The following SCAMP5 variants were observed in gnomAD, a reference collection of about 807,000 sequenced individuals.
The protein encoded by SCAMP5 is secretory carrier-associated membrane protein 5.
SCAMP5 carries 7 observed loss-of-function variants against 28.3 expected under a neutral mutation model. The ratio of observed to expected loss-of-function variants is 0.25; its 90% CI spans 0.14 to 0.46. The LOEUF is 0.46. SCAMP5 is among the 20% of genes least tolerant of loss of function. The pLI is 0.99. For missense variants in SCAMP5, 192 were observed against 312.5 expected, an observed-to-expected ratio of 0.61 and a Z score of 2.91; for synonymous variants, 117 against 116.4, an observed-to-expected ratio of 1.00 and a Z score of -0.03.
chr15:75,021,057 C>T lies in SCAMP5; in HGVS notation c.*2074C>T, dbSNP rs1303308694. On this transcript the variant is annotated 3_prime_UTR_variant, in exon 7 of 7. Transcript: ENST00000425597. ...TCCAGGAGGCCTGTGATCCAGCTCC[C>T]TGCCTAGCATCCATGACCTGTTGGA... The T allele has an allele frequency of 6.6e-6, 1 of 152,412 alleles. No homozygotes were observed. The highest frequency in any genetic ancestry group is 2.4e-5 in the African/African-American group (1 of 41,426). 9.4% of individuals were successfully genotyped at this position (152,412 alleles called of 1,614,324 possible).
chr15:75,009,954 G>A (rs1170050367), intron 1 of SCAMP5: 1 of 152,204 alleles, frequency 6.6e-6, no homozygotes, highest in Non-Finnish European at 1.5e-5. Flanking sequence ...ATACTATCTT[G>A]ACTTCTAACA....
At chr15:75,009,890 G>A (rs952930568) in intron 1 of SCAMP5, 2 of 152,214 alleles carry the variant, frequency 1.3e-5, no homozygotes, top group Non-Finnish European at 2.9e-5. Flanking sequence ...TGTGTATCCA[G>A]AACCCCGACC....
intron 1 of SCAMP5, among the ~76,000 whole-genome samples, chr15:75,010,105 A>C (rs945483946): frequency 6.6e-6 from 1 of 152,202 alleles, no homozygotes; most frequent in Non-Finnish European, 1.5e-5. Context: ...CTGTTCTAAC[A>C]AGGTGATTGC....
At position 75,019,138 on chromosome 15, in the gene SCAMP5, T is replaced by C. The variant is rs2065885253; in HGVS notation, c.*155T>C. 2.2e-6 allele frequency: 1 copy of C among 455,116 alleles called. No individual in the cohort carries two copies. Among genetic ancestry groups the C allele is most frequent in the Non-Finnish European group, 3.8e-6 (1 of 262,782 alleles). The allele number at this position is 455,116 out of a possible 1,614,324, so 28.2% of individuals were successfully genotyped here. On this transcript the variant is annotated 3_prime_UTR_variant, in exon 7 of 7. Coordinates refer to ENST00000425597, the MANE Select transcript of SCAMP5 (RefSeq NM_138967.4). Reference sequence around the variant, plus strand: ...AGAGTTATATATATATATATATGTATATGTCTGTACCCCAGCCCCCACCTT... The same window carrying C: ...AGAGTTATATATATATATATATGTACATGTCTGTACCCCAGCCCCCACCTT...
At chr15:75,011,766 CT>C (rs2141446115) in intron 1 of SCAMP5, 25 bp from the exon 2 acceptor site, 1 of 1,415,110 alleles carries the variant, frequency 7.1e-7, no homozygotes, top group Non-Finnish European at 1.0e-6. Flanking sequence ...TGATCTCATC[CT>C]TCTCTGGCTT....
chr15:75,007,140 A>G (rs189838680), intron 1 of SCAMP5, among the ~76,000 whole-genome samples: 7 of 152,052 alleles, frequency 4.6e-5, no homozygotes, highest in Non-Finnish European at 8.8e-5. Flanking sequence ...CTGGCTTGGG[A>G]CCAGCCATAT....
At position 75,018,836 on chromosome 15, in the gene SCAMP5, G is replaced by A. The variant is rs2065881612; in HGVS notation, c.561G>A (p.Gln187=). 1 of 1,601,918 alleles carries A rather than the reference G, an allele frequency of 6.2e-7. No homozygotes were observed. The highest frequency in any genetic ancestry group is 1.4e-5 in the African/African-American group (1 of 73,758). The change falls in exon 7 of 7, where the codon CAG becomes CAA. Residue 187 remains glutamine, a synonymous_variant. Transcript: ENST00000425597. This position sits in a 1 kb window ranked among gnomAD's most constrained non-coding sequence, Gnocchi z 5.6. The part of the protein sequence containing the change: ...RGSGGSFSKA[Q]EEWTTGAWKN... ...GTGGGGGGAGTTTCAGCAAAGCTCA[G>A]GAGGAGTGGACCACAGGGGCCTGGA...
intron 3 of SCAMP5, among the ~76,000 whole-genome samples, chr15:75,015,474 T>G (rs1031557144): frequency 6.6e-6 from 1 of 151,736 alleles, no homozygotes; most frequent in African/African-American, 2.4e-5. Flanking sequence ...CTGGGTCCTG[T>G]TCTTGGGGAA....
chr15:75,019,089 C>T lies in SCAMP5; in HGVS notation c.*106C>T, dbSNP rs887075951. 2 of 672,516 alleles carry T rather than the reference C, an allele frequency of 3.0e-6. No individual in the cohort carries two copies. The highest frequency in any genetic ancestry group is 2.4e-5 in the South Asian group (1 of 41,404). The allele number at this position is 672,516 out of a possible 1,614,324, so 41.7% of individuals were successfully genotyped here. A position where few individuals can be genotyped will look rare whatever the true frequency, so the allele number is the denominator to read the frequency against. On this transcript the variant is annotated 3_prime_UTR_variant, in exon 7 of 7. Transcript: ENST00000425597. ...GCAGGGTTCCCCCTTCCCTTTTCTCCTTCCCTACTTTGTACAAAGGACCAG... is the reference window on the plus strand; with the variant it reads ...GCAGGGTTCCCCCTTCCCTTTTCTCTTTCCCTACTTTGTACAAAGGACCAG...
At chr15:75,014,411 G>A (rs1379478790) in intron 3 of SCAMP5, among the ~76,000 whole-genome samples, 3 of 152,194 alleles carry the variant, frequency 2.0e-5, no homozygotes, top group African/African-American at 7.2e-5. Context: ...ATATGATGTA[G>A]TGTGGAGAGT....
intron 1 of SCAMP5, chr15:74,997,399 C>G (rs2065663230): frequency 6.6e-6 from 1 of 152,254 alleles, no homozygotes; most frequent in Non-Finnish European, 1.5e-5. Flanking sequence ...GTGTCCAAGT[C>G]TTAAGCAAGT....
intron 1 of SCAMP5, among the ~76,000 whole-genome samples, chr15:75,004,056 C>T (rs1195855835): frequency 2.6e-5 from 4 of 152,088 alleles, no homozygotes; most frequent in Admixed American, 2.6e-4. Flanking sequence ...AGGCATGCAC[C>T]ACCATGCCCG....
chr15:75,005,748 G>A (rs1193126051), intron 1 of SCAMP5, among the ~76,000 whole-genome samples: 1 of 151,932 alleles, frequency 6.6e-6, no homozygotes, highest in African/African-American at 2.4e-5. Flanking sequence ...TTTTTGAGAC[G>A]GAGTCTCACT....
At position 75,016,702 on chromosome 15, in the gene SCAMP5, A is replaced by G. The variant is rs928321991; in HGVS notation, c.246A>G (p.Thr82=). ...GLAFLWLILF[T]PCSYVCWFRP... Reference sequence around the variant, plus strand: ...CCTTTCTCTGGCTCATCCTCTTCACACCCTGCTCCTACGTCTGCTGGTTTC... The same window carrying G: ...CCTTTCTCTGGCTCATCCTCTTCACGCCCTGCTCCTACGTCTGCTGGTTTC... The change falls in exon 4 of 7, where the codon ACA becomes ACG. Residue 82 remains threonine (T), a synonymous_variant. Coordinates refer to ENST00000425597, the MANE Select transcript of SCAMP5 (RefSeq NM_138967.4). 2.5e-6 allele frequency: 4 copies of G among 1,613,028 alleles called. No individual in the cohort carries two copies. The highest frequency in any genetic ancestry group is 3.4e-6 in the Non-Finnish European group (4 of 1,179,720).
intron 1 of SCAMP5, among the ~76,000 whole-genome samples, chr15:74,997,797 G>GTCATCAGTA (rs1181051808): frequency 6.6e-6 from 1 of 152,212 alleles, no homozygotes; most frequent in Non-Finnish European, 1.5e-5. Context: ...CTACTGAATA[G>GTCATCAGTA]TCATCAGTAG....
At position 75,001,762 on chromosome 15, in the gene SCAMP5, C is replaced by T. The variant is rs145452649; in HGVS notation, c.-49+6089C>T. Among the ~76,000 whole-genome samples, 571 of 147,808 alleles carry T rather than the reference C, an allele frequency of 3.9e-3. 7 individuals are homozygous for T. In the East Asian group the frequency reaches 0.049, roughly 13 times the overall value. On this transcript the variant is annotated intron_variant, in intron 1 of 6. Transcript: ENST00000425597. Reference sequence around the variant, plus strand: ...GCACGTGCCTGTAATTCCAGCTACTCGGGATGCTGAGGCAGGAGAATCGCT... The same window carrying T: ...GCACGTGCCTGTAATTCCAGCTACTTGGGATGCTGAGGCAGGAGAATCGCT...
Position 75,018,263 on chromosome 15 carries a change from C to T in SCAMP5, c.396-155C>T. 7.5e-6 allele frequency: 5 copies of T among 663,712 alleles called. No homozygotes were observed. Among genetic ancestry groups the T allele is most frequent in the Admixed American group, 2.3e-5 (1 of 43,288 alleles). The allele number at this position is 663,712 out of a possible 1,614,324, so 41.1% of individuals were successfully genotyped here. A position where few individuals can be genotyped will look rare whatever the true frequency, so the allele number is the denominator to read the frequency against. On this transcript the variant is annotated intron_variant, in intron 5 of 6. Coordinates refer to ENST00000425597, the MANE Select transcript of SCAMP5 (RefSeq NM_138967.4). This position sits in a 1 kb window ranked among gnomAD's most constrained non-coding sequence, Gnocchi z 5.6. ...CCACAGGGATGGGGTCTTCTTGAGC[C>T]ACTGGCACAGGTTCTTTGGGTATCA...
At chr15:75,006,913 G>T (rs914688685) in intron 1 of SCAMP5, among the ~76,000 whole-genome samples, 1 of 152,146 alleles carries the variant, frequency 6.6e-6, no homozygotes, top group Non-Finnish European at 1.5e-5. Flanking sequence ...CTGCACTCCA[G>T]CCTGGGCAAC....
At chr15:75,008,398 A>G (rs1272721628) in intron 1 of SCAMP5, among the ~76,000 whole-genome samples, 1 of 150,956 alleles carries the variant, frequency 6.6e-6, no homozygotes, top group Non-Finnish European at 1.5e-5. Context: ...TTTCTTACAT[A>G]AGGGGTAGCA....
Sources: gnomAD v4.1 joint callset for allele counts (sites outside exome capture counted in the v4.1 genomes callset) on GRCh38, gnomAD v4.1.1 for gene constraint, Gnocchi (gnomAD v3.1) non-coding constraint, MANE v1.5 for transcripts, NCBI Gene and HGNC (gene_info 2026-07-23, HGNC 2026-07-21) for gene names.